Variants in RUFY3 observed in about 807,000 individuals in gnomAD.
The protein encoded by RUFY3 is RUN and FYVE domain containing 3.
RUFY3 carries 34 observed loss-of-function variants against 84.0 expected under a neutral mutation model. The ratio of observed to expected loss-of-function variants is 0.40; its 90% CI spans 0.31 to 0.54. The LOEUF (loss-of-function observed/expected upper bound fraction) is 0.54. Among genes scored for constraint, RUFY3 ranks in the 20% least tolerant of loss-of-function variants. The pLI is 0.39. For synonymous variants in RUFY3, 242 were observed against 252.9 expected (o/e 0.96, Z 0.41); for missense variants, 507 against 736.8 (o/e 0.69, Z 3.61).
At chr4:70,724,231 A>G (rs1183772403) in intron 1 of RUFY3, among the ~76,000 whole-genome samples, 10 of 152,228 alleles carry the variant, frequency 6.6e-5, no homozygotes, top group Non-Finnish European at 1.5e-4. Context: ...GTCTTTAGGG[A>G]AGAAAAATAC....
Position 70,722,529 on chromosome 4 carries a change from G to C in RUFY3, c.-45G>C, listed in dbSNP as rs189902567. 1 of 1,556,190 alleles carries C rather than the reference G, an allele frequency of 6.4e-7. No individual in the cohort carries two copies. Among genetic ancestry groups the C allele is most frequent in the Non-Finnish European group, 8.7e-7 (1 of 1,146,484 alleles). ...TTATTTTTTTGGTGTGTGTGTGTGA[G>C]TGTGTGTGTGTCTGTGTGTGTGTTG... On this transcript the variant is annotated 5_prime_UTR_variant, in exon 1 of 18. Coordinates refer to ENST00000381006, the MANE Select transcript of RUFY3 (RefSeq NM_001037442.4).
chr4:70,788,272 G>T (rs542710727), intron 10 of RUFY3, among the ~76,000 whole-genome samples: 26 of 147,740 alleles, frequency 1.8e-4, no homozygotes, highest in Non-Finnish European at 3.0e-4. Flanking sequence ...GCGACAGAGC[G>T]AGACTCTGTC....
upstream of RUFY3, among the ~76,000 whole-genome samples, chr4:70,719,574 A>G (rs533719445): frequency 6.6e-6 from 1 of 152,344 alleles, no homozygotes; most frequent in African/African-American, 2.4e-5. Flanking sequence ...GATATCACAC[A>G]TACAGATAGC....
chr4:70,793,992 C>T lies in RUFY3; in HGVS notation c.1457+88C>T, dbSNP rs1285186176. 8 of 1,458,590 alleles carry T rather than the reference C, an allele frequency of 5.5e-6. No homozygotes were observed. The Admixed American group carries it at 1.8e-4, about 33-fold the overall frequency. The allele number at this position is 1,458,590 out of a possible 1,614,324, so 90.4% of individuals were successfully genotyped here. On this transcript the variant is annotated intron_variant, in intron 13 of 17. Coordinates refer to ENST00000381006, the MANE Select transcript of RUFY3 (RefSeq NM_001037442.4). The stretch of plus-strand genomic sequence containing the variant: ...GAAAAGGGGTCTCATGACTTCCAGC[C>T]AGGTTGGCTCTGTCTTTGCAATGTC...
At chr4:70,708,970 A>G (rs1385610979) in intron 1 of RUFY3, among the ~76,000 whole-genome samples, 3 of 152,178 alleles carry the variant, frequency 2.0e-5, no homozygotes, top group African/African-American at 4.8e-5. Flanking sequence ...AGGTGGGAGG[A>G]TGGCATGAGT....
At chr4:70,788,263 C>T (rs1042130229) in intron 10 of RUFY3, among the ~76,000 whole-genome samples, 26 of 148,892 alleles carry the variant, frequency 1.7e-4, no homozygotes, top group African/African-American at 6.0e-4. Flanking sequence ...CCAGCCTGAG[C>T]GACAGAGCGA....
chr4:70,779,478 C>T, intron 8 of RUFY3, among the ~76,000 whole-genome samples: 1 of 152,148 alleles, frequency 6.6e-6, no homozygotes, highest in East Asian at 1.9e-4. Flanking sequence ...ACTTGCCAAG[C>T]CTTAGCTACA....
At chr4:70,800,785 G>A (rs1459139313) in intron 15 of RUFY3, among the ~76,000 whole-genome samples, 1 of 152,146 alleles carries the variant, frequency 6.6e-6, no homozygotes, top group Non-Finnish European at 1.5e-5. Context: ...GGGAGGCCGA[G>A]GCAGGAGAAT....
chr4:70,752,703 T>C (rs1158403775), intron 1 of RUFY3, among the ~76,000 whole-genome samples: 1 of 152,232 alleles, frequency 6.6e-6, no homozygotes, highest in Non-Finnish European at 1.5e-5. Context: ...GTTAATTTGG[T>C]GTATTACACT....
chr4:70,730,940 G>A (rs1171932093), intron 1 of RUFY3, among the ~76,000 whole-genome samples: 2 of 152,040 alleles, frequency 1.3e-5, no homozygotes, highest in African/African-American at 4.8e-5. Context: ...ATTTGCAGAA[G>A]TTTTATACAC....
intron 1 of RUFY3, among the ~76,000 whole-genome samples, chr4:70,736,972 A>G (rs1004267418): frequency 5.3e-5 from 8 of 152,272 alleles, no homozygotes; most frequent in South Asian, 2.1e-4. Flanking sequence ...TGTTATGTGT[A>G]TAACTTGAAT....
At chr4:70,776,730 C>A (rs1459349963) in intron 7 of RUFY3, among the ~76,000 whole-genome samples, 1 of 152,186 alleles carries the variant, frequency 6.6e-6, no homozygotes, top group African/African-American at 2.4e-5. Context: ...AAGCCGAGAT[C>A]GCGCCACTGC....
chr4:70,749,117 A>C (rs1477938977), intron 1 of RUFY3, among the ~76,000 whole-genome samples: 1 of 152,126 alleles, frequency 6.6e-6, no homozygotes, highest in East Asian at 1.9e-4. Flanking sequence ...CAAAACATTT[A>C]AATTATTTCT....
chr4:70,724,408 A>T (rs548725678), intron 1 of RUFY3, among the ~76,000 whole-genome samples: 1 of 152,346 alleles, frequency 6.6e-6, no homozygotes, highest in Admixed American at 6.5e-5. Context: ...AACAATTTTA[A>T]CACCTCAAAT....
chr4:70,743,604 G>A (rs1173853842), intron 1 of RUFY3, among the ~76,000 whole-genome samples: 1 of 151,838 alleles, frequency 6.6e-6, no homozygotes, highest in East Asian at 1.9e-4. Context: ...TTTTTGCTGG[G>A]ATTTTTGTCG....
intron 2 of RUFY3, 143 bp downstream of exon 2, chr4:70,762,835 G>T: frequency 2.8e-6 from 2 of 718,484 alleles, no homozygotes; most frequent in Non-Finnish European, 4.5e-6. Flanking sequence ...TCTTTTATAG[G>T]AGCAGGGTTA....
At chr4:70,746,375 C>T (rs1349927880) in intron 1 of RUFY3, among the ~76,000 whole-genome samples, 5 of 150,540 alleles carry the variant, frequency 3.3e-5, no homozygotes, top group Admixed American at 6.6e-5. Flanking sequence ...GGCATGGTGG[C>T]GGGTGCCTGT....
chr4:70,711,499 A>C (rs1216823387), intron 1 of RUFY3, among the ~76,000 whole-genome samples: 1 of 152,206 alleles, frequency 6.6e-6, no homozygotes, highest in African/African-American at 2.4e-5. Flanking sequence ...TTCAATGTAG[A>C]TCAGTGTCCT....
intron 10 of RUFY3, among the ~76,000 whole-genome samples, chr4:70,785,468 C>A (rs1322338989): frequency 6.6e-6 from 1 of 151,952 alleles, no homozygotes; most frequent in African/African-American, 2.4e-5. Flanking sequence ...AGAAAGAGAA[C>A]CTTTACACAC....
Sources: allele counts gnomAD v4.1 joint callset (sites outside exome capture counted in the v4.1 genomes callset), GRCh38; gene constraint gnomAD v4.1.1; transcripts MANE v1.5; gene names NCBI Gene and HGNC (gene_info 2026-07-23, HGNC 2026-07-21).